RBFOX1: variants seen among roughly 807,000 people sequenced by gnomAD.
RBFOX1 encodes RNA binding protein fox-1 homolog 1.
RBFOX1 carries 8 observed loss-of-function variants against 57.7 expected under a neutral mutation model. The observed-to-expected ratio is 0.14, with a 90% confidence interval of 0.08 to 0.25. The LOEUF (loss-of-function observed/expected upper bound fraction) is 0.25. Among genes scored for constraint, RBFOX1 ranks in the 10% least tolerant of loss-of-function variants. The pLI is 1.00. For missense variants in RBFOX1, 611 were observed against 548.5 expected (o/e 1.11, Z -1.14); for synonymous variants, 326 against 222.4 (o/e 1.47, Z -4.15).
intron 4 of RBFOX1, among the ~76,000 whole-genome samples, chr16:5,898,757 T>G (rs563609792): frequency 2.6e-5 from 4 of 151,860 alleles, no homozygotes; most frequent in Non-Finnish European, 5.9e-5. Flanking sequence ...TCTCATTAAT[T>G]CATATAAAAA....
intron 3 of RBFOX1, among the ~76,000 whole-genome samples, chr16:6,830,261 A>G (rs1025162319): frequency 2.0e-5 from 3 of 152,216 alleles, no homozygotes; most frequent in African/African-American, 7.2e-5. Context: ...TATCTAAGAA[A>G]AGATTGTGCA....
chr16:6,204,527 G>A (rs150555829), intron 1 of RBFOX1, among the ~76,000 whole-genome samples: 2 of 152,182 alleles, frequency 1.3e-5, no homozygotes, highest in African/African-American at 2.4e-5. Flanking sequence ...TTGTTTAACA[G>A]AAATTGGAAC....
chr16:6,576,121 G>A (rs191595905), intron 2 of RBFOX1, among the ~76,000 whole-genome samples: 1 of 152,118 alleles, frequency 6.6e-6, no homozygotes, highest in Non-Finnish European at 1.5e-5. Context: ...TTTATGATTA[G>A]CATCTACTTT....
At chr16:7,404,489 C>T (rs778650309) in intron 4 of RBFOX1, among the ~76,000 whole-genome samples, 1 of 152,118 alleles carries the variant, frequency 6.6e-6, no homozygotes, top group Non-Finnish European at 1.5e-5. Flanking sequence ...GCAGGCACTG[C>T]GTGAAGCACT....
chr16:6,650,444 G>C (rs1177785332), intron 2 of RBFOX1, among the ~76,000 whole-genome samples: 2 of 152,274 alleles, frequency 1.3e-5, no homozygotes, highest in South Asian at 4.1e-4. Context: ...TCTGGTTACA[G>C]ATTTAAGCTC....
At chr16:5,540,961 T>A (rs2044920654) in intron 2 of RBFOX1, among the ~76,000 whole-genome samples, 1 of 152,180 alleles carries the variant, frequency 6.6e-6, no homozygotes, top group Non-Finnish European at 1.5e-5. Context: ...GTGATTGTCC[T>A]GCCTCAGCGT....
In RBFOX1 at chr16:7,653,916, GCGCCCC is replaced by G; in HGVS notation, c.868_873del (p.Pro290_Pro291del). On this transcript the variant is annotated inframe_deletion, in exon 12 of 16. Transcript: ENST00000550418. ...CGTGTACAACACCTTCAGGGCCGCGGCGCCCCCGCCCCCGATCCCGGCCTACGGCGG... is the reference window on the plus strand; with the variant it reads ...CGTGTACAACACCTTCAGGGCCGCGGCGCCCCCGATCCCGGCCTACGGCGG... 1.9e-6 allele frequency: 3 copies of G among 1,571,864 alleles called. No individual in the cohort carries two copies. Among genetic ancestry groups the G allele is most frequent in the Non-Finnish European group, 2.6e-6 (3 of 1,165,208 alleles).
At chr16:5,292,555 C>A (rs1279123820) in intron 1 of RBFOX1, among the ~76,000 whole-genome samples, 12 of 152,148 alleles carry the variant, frequency 7.9e-5, no homozygotes, top group Non-Finnish European at 1.5e-4. Context: ...CACTCATGCA[C>A]CGTCACCATC....
intron 4 of RBFOX1, among the ~76,000 whole-genome samples, chr16:7,301,152 A>G (rs1466142521): frequency 2.0e-5 from 3 of 152,200 alleles, no homozygotes; most frequent in Non-Finnish European, 2.9e-5. Flanking sequence ...CAAGTGAGCG[A>G]TGATTGTGGA....
intron 3 of RBFOX1, among the ~76,000 whole-genome samples, chr16:6,854,955 T>C (rs1042367639): frequency 6.6e-6 from 1 of 151,872 alleles, no homozygotes; most frequent in Admixed American, 6.6e-5. Flanking sequence ...ATCACCGAGA[T>C]TAGAATCCCT....
At chr16:7,097,999 G>T (rs557863293) in intron 4 of RBFOX1, among the ~76,000 whole-genome samples, 25 of 152,080 alleles carry the variant, frequency 1.6e-4, no homozygotes, top group Non-Finnish European at 3.4e-4. Context: ...AAGAATCTTC[G>T]AGGGCATTTG....
At chr16:7,358,240 C>G (rs1377681471) in intron 4 of RBFOX1, among the ~76,000 whole-genome samples, 1 of 152,238 alleles carries the variant, frequency 6.6e-6, no homozygotes, top group Non-Finnish European at 1.5e-5. Flanking sequence ...AAGTCAGCCT[C>G]TGCTGCAAAT....
At chr16:6,107,944 C>T (rs2096402084) in intron 1 of RBFOX1, among the ~76,000 whole-genome samples, 1 of 152,020 alleles carries the variant, frequency 6.6e-6, no homozygotes, top group Non-Finnish European at 1.5e-5. Context: ...AAATCATTGC[C>T]TTTCTTGCCT....
At chr16:6,757,742 A>C (rs1317513895) in intron 3 of RBFOX1, among the ~76,000 whole-genome samples, 1 of 152,302 alleles carries the variant, frequency 6.6e-6, no homozygotes, top group African/African-American at 2.4e-5. Context: ...TAGTATGGTG[A>C]TGATGGTTAA....
chr16:5,401,865 C>T (rs953160272), intron 1 of RBFOX1, among the ~76,000 whole-genome samples: 2 of 151,912 alleles, frequency 1.3e-5, no homozygotes, highest in South Asian at 2.1e-4. Context: ...CTCTCGTCAT[C>T]GTCGTCGTCA....
chr16:6,082,901 A>C (rs1169376568), intron 1 of RBFOX1, among the ~76,000 whole-genome samples: 2 of 152,182 alleles, frequency 1.3e-5, no homozygotes, highest in Non-Finnish European at 2.9e-5. Context: ...AGCCTAGCCC[A>C]TAGCACCCCT....
At chr16:6,181,128 T>C (rs2097059413) in intron 1 of RBFOX1, among the ~76,000 whole-genome samples, 1 of 152,202 alleles carries the variant, frequency 6.6e-6, no homozygotes, top group Non-Finnish European at 1.5e-5. Context: ...CTGAAATGTA[T>C]GGGCTGGTAA....
intron 2 of RBFOX1, among the ~76,000 whole-genome samples, chr16:6,331,978 C>A (rs902344193): frequency 3.9e-5 from 6 of 152,096 alleles, no homozygotes; most frequent in Non-Finnish European, 4.4e-5. Flanking sequence ...TCTGTCACTC[C>A]TGTTACAACA....
At chr16:5,496,948 G>A (rs1221304298) in intron 2 of RBFOX1, among the ~76,000 whole-genome samples, 1 of 152,178 alleles carries the variant, frequency 6.6e-6, no homozygotes, top group African/African-American at 2.4e-5. Flanking sequence ...TCTGCACTAA[G>A]TGATATTTAT....
Sources: gnomAD v4.1 joint callset for allele counts (sites outside exome capture counted in the v4.1 genomes callset) on GRCh38, gnomAD v4.1.1 for gene constraint, MANE v1.5 for transcripts, NCBI Gene and HGNC (gene_info 2026-07-23, HGNC 2026-07-21) for gene names.